The following DLGAP4 variants were observed in gnomAD, a reference collection of about 807,000 sequenced individuals.
DLGAP4 encodes disks large-associated protein 4.
Under a neutral mutation model 86.9 loss-of-function variants are expected in DLGAP4, and 18 were observed. That is an observed-to-expected ratio of 0.21 (90% CI 0.14 to 0.31). DLGAP4 has a LOEUF of 0.31. Ranked by LOEUF, DLGAP4 falls within the 10% of genes least tolerant of loss-of-function variation. The pLI is 1.00. For synonymous variants in DLGAP4, 548 were observed against 574.3 expected (o/e 0.95, Z 0.65); for missense variants, 1,085 against 1,362.6 (o/e 0.80, Z 3.21).
intron 7 of DLGAP4, among the ~76,000 whole-genome samples, chr20:36,453,340 A>G (rs1160316117): frequency 6.6e-6 from 1 of 152,178 alleles, no homozygotes; most frequent in East Asian, 1.9e-4. Flanking sequence ...TGTGTGACAG[A>G]GCAAAACCCT....
intron 7 of DLGAP4, chr20:36,461,635 G>A (rs1240526325): frequency 1.3e-5 from 12 of 921,580 alleles, no homozygotes; most frequent in African/African-American, 2.0e-5. Flanking sequence ...GAGCAGCCGC[G>A]GCCCCGCGAG....
At chr20:36,509,485 C>T (rs12480273) in intron 10 of DLGAP4, among the ~76,000 whole-genome samples, 4 of 151,966 alleles carry the variant, frequency 2.6e-5, no homozygotes, top group East Asian at 1.9e-4. Flanking sequence ...GCAGGAGAAT[C>T]GCTTGAACCC....
chr20:36,525,789 G>A (rs1222446646), intron 11 of DLGAP4, 62 bp from the exon 12 acceptor site: 4 of 1,596,962 alleles, frequency 2.5e-6, no homozygotes, highest in Admixed American at 1.7e-5. Flanking sequence ...TTGTTGGGGG[G>A]TTGGGGGGAG....
intron 2 of DLGAP4, among the ~76,000 whole-genome samples, chr20:36,406,846 C>A (rs1349467963): frequency 2.0e-5 from 3 of 152,122 alleles, no homozygotes; most frequent in Admixed American, 6.5e-5. Flanking sequence ...TAGCCAACCC[C>A]CACATTGCGC....
Position 36,500,660 on chromosome 20 carries a change from G to A in DLGAP4, c.2512+49G>A. On this transcript the variant is annotated intron_variant, in intron 10 of 12. Transcript: ENST00000339266. The surrounding 1 kb of genome is among the most constrained non-coding windows in gnomAD (Gnocchi z 4.6). Reference sequence around the variant, plus strand: ...TGGGCAAGGGTAGAAGGTGTTGGCAGCTGGTTTCAGCTGGTGGCCAGCAGC... The same window carrying A: ...TGGGCAAGGGTAGAAGGTGTTGGCAACTGGTTTCAGCTGGTGGCCAGCAGC... The A allele has an allele frequency of 7.2e-7, 1 of 1,387,976 alleles. No homozygotes were observed. Among genetic ancestry groups the A allele is most frequent in the Non-Finnish European group, 9.4e-7 (1 of 1,066,188 alleles). The allele number at this position is 1,387,976 out of a possible 1,614,324, so 86.0% of individuals were successfully genotyped here.
At chr20:36,436,588 G>C (rs1387126270) in intron 4 of DLGAP4, among the ~76,000 whole-genome samples, 1 of 152,130 alleles carries the variant, frequency 6.6e-6, no homozygotes, top group Non-Finnish European at 1.5e-5. Context: ...AGGTCGAGGC[G>C]GGTGGATCAC....
intron 7 of DLGAP4, among the ~76,000 whole-genome samples, chr20:36,453,690 T>A (rs1236565858): frequency 6.6e-6 from 1 of 151,710 alleles, no homozygotes; most frequent in East Asian, 1.9e-4. Context: ...CCCAACACTT[T>A]GGGAAGCTGA....
rs1245771630 is a variant in DLGAP4 at position 36,527,121 on chromosome 20, G to C, written c.*90G>C. 6 of 1,367,276 alleles carry C rather than the reference G, an allele frequency of 4.4e-6. No homozygotes were observed. 84.7% of individuals were successfully genotyped at this position (1,367,276 alleles called of 1,614,324 possible). Reference sequence around the variant, plus strand: ...ACAGAGTTTTCTCAACCTTTGCTATGGTTATTCTGTCTAGAGACCCTGAGC... The same window carrying C: ...ACAGAGTTTTCTCAACCTTTGCTATCGTTATTCTGTCTAGAGACCCTGAGC... On this transcript the variant is annotated 3_prime_UTR_variant, in exon 13 of 13. Transcript: ENST00000339266.
chr20:36,485,524 C>T (rs1381779778), intron 7 of DLGAP4, among the ~76,000 whole-genome samples: 1 of 152,128 alleles, frequency 6.6e-6, no homozygotes, highest in Admixed American at 6.6e-5. Context: ...CGTTCAGGGA[C>T]AACCCACTTA....
chr20:36,431,617 G>T lies in DLGAP4; in HGVS notation c.-72-29G>T. 1 of 1,366,846 alleles carries T rather than the reference G, an allele frequency of 7.3e-7. No homozygotes were observed. The highest frequency in any genetic ancestry group is 1.4e-5 in the South Asian group (1 of 69,052). 84.7% of individuals were successfully genotyped at this position (1,366,846 alleles called of 1,614,324 possible). A position where few individuals can be genotyped will look rare whatever the true frequency, so the allele number is the denominator to read the frequency against. On this transcript the variant is annotated intron_variant, in intron 2 of 12. Transcript: ENST00000339266. This position sits in a 1 kb window ranked among gnomAD's most constrained non-coding sequence, Gnocchi z 5.1. ...CCCTCCCCGACAATCCAGCTGACCA[G>T]CTGACCGCTTTCTGTCTTCTCTCCC...
chr20:36,498,996 G>A, intron 8 of DLGAP4: 1 of 510,714 alleles, frequency 2.0e-6, no homozygotes, highest in South Asian at 2.2e-5. Context: ...ATAACGTCCA[G>A]GGACTTCGGT....
intron 7 of DLGAP4, among the ~76,000 whole-genome samples, chr20:36,476,318 CTTTTTTTTTTTTT>C (rs1028980966): frequency 8.4e-5 from 10 of 119,638 alleles, no homozygotes; most frequent in Admixed American, 1.7e-4. Context: ...TGGCAACCAC[CTTTTTTTTTTTTT>C]TTTTTTTTTT....
At chr20:36,318,229 G>C (rs2065130467) in intron 1 of DLGAP4, among the ~76,000 whole-genome samples, 1 of 151,656 alleles carries the variant, frequency 6.6e-6, no homozygotes, top group Non-Finnish European at 1.5e-5. Flanking sequence ...AGAGTGATAA[G>C]GGCTGTTTCT....
At chr20:36,384,384 C>T (rs1242377112) in intron 2 of DLGAP4, among the ~76,000 whole-genome samples, 1 of 152,180 alleles carries the variant, frequency 6.6e-6, no homozygotes, top group Non-Finnish European at 1.5e-5. Context: ...TGAGCAATAT[C>T]TGAGGTAGGA....
intron 7 of DLGAP4, chr20:36,462,582 TG>T: frequency 6.3e-7 from 1 of 1,599,450 alleles, no homozygotes; most frequent in Non-Finnish European, 8.5e-7. Context: ...GCTTTGTGTC[TG>T]GAGCTCTTGA....
intron 2 of DLGAP4, among the ~76,000 whole-genome samples, chr20:36,415,237 C>G (rs886651593): frequency 6.6e-6 from 1 of 152,206 alleles, no homozygotes; most frequent in Admixed American, 6.5e-5. Flanking sequence ...TGCACTCCAA[C>G]CTGGGTGACA....
At chr20:36,317,337 CTCTT>C (rs2065118634) in intron 1 of DLGAP4, among the ~76,000 whole-genome samples, 14 of 139,136 alleles carry the variant, frequency 1.0e-4, no homozygotes, top group Non-Finnish European at 2.2e-4. Flanking sequence ...TCCTCTTTCT[CTCTT>C]TCTTTCCTTC....
chr20:36,337,637 C>A (rs1210295880), intron 1 of DLGAP4, among the ~76,000 whole-genome samples: 3 of 152,162 alleles, frequency 2.0e-5, no homozygotes, highest in African/African-American at 7.2e-5. Flanking sequence ...GTTAAATTTG[C>A]AGCGGATGCA....
At chr20:36,465,003 G>C (rs974470491) in intron 7 of DLGAP4, among the ~76,000 whole-genome samples, 1 of 152,168 alleles carries the variant, frequency 6.6e-6, no homozygotes, top group Admixed American at 6.5e-5. Context: ...CTGGACTCAA[G>C]ATCTGTACTA....
Sources: allele counts gnomAD v4.1 joint callset (sites outside exome capture counted in the v4.1 genomes callset), GRCh38; gene constraint gnomAD v4.1.1; non-coding constraint Gnocchi (gnomAD v3.1); transcripts MANE v1.5; gene names NCBI Gene and HGNC (gene_info 2026-07-23, HGNC 2026-07-21).